LMO7: variants seen among roughly 807,000 people sequenced by gnomAD.
LMO7 encodes LIM domain 7.
Under a neutral mutation model 206.5 loss-of-function variants are expected in LMO7, and 120 were observed. The observed-to-expected ratio is 0.58, with a 90% CI of 0.50 to 0.68. The LOEUF is 0.68. Ranked by LOEUF, LMO7 falls within the 30% of genes least tolerant of loss-of-function variation. The pLI is 0.00. For synonymous variants in LMO7, 706 were observed against 681.5 expected, an observed-to-expected ratio of 1.04 and a Z score of -0.56; for missense variants, 1,959 against 1,957.9, an observed-to-expected ratio of 1.00 and a Z score of -0.01.
chr13:75,728,139 A>G (rs1298223241), intron 3 of LMO7, among the ~76,000 whole-genome samples: 2 of 152,180 alleles, frequency 1.3e-5, no homozygotes, highest in Non-Finnish European at 2.9e-5. Context: ...GTATATACCC[A>G]GTAATGGGAT....
chr13:75,707,717 T>TA (rs1265024661), intron 1 of LMO7, among the ~76,000 whole-genome samples: 5 of 152,204 alleles, frequency 3.3e-5, no homozygotes, highest in East Asian at 3.8e-4. Flanking sequence ...AGCTATTATT[T>TA]AAAACCTTTG....
At chr13:75,628,680 A>G (rs1253545328) in intron 2 of LMO7, 1 of 152,196 alleles carries the variant, frequency 6.6e-6, no homozygotes, top group African/African-American at 2.4e-5. Flanking sequence ...TTGAATCATA[A>G]CCAATCAAAG....
upstream of LMO7, among the ~76,000 whole-genome samples, chr13:75,632,657 C>T (rs2035094549): frequency 6.6e-6 from 1 of 152,208 alleles, no homozygotes; most frequent in Non-Finnish European, 1.5e-5. Context: ...ACATTCTGGG[C>T]TGCCGCCCCC....
At chr13:75,739,680 T>A (rs1215672336) in intron 3 of LMO7, among the ~76,000 whole-genome samples, 1 of 152,242 alleles carries the variant, frequency 6.6e-6, no homozygotes, top group Non-Finnish European at 1.5e-5. Flanking sequence ...TAGTGTGACC[T>A]GCTCTATGTG....
At chr13:75,672,318 C>A (rs554996276) in intron 1 of LMO7, among the ~76,000 whole-genome samples, 6 of 151,300 alleles carry the variant, frequency 4.0e-5, no homozygotes, top group Admixed American at 4.0e-4. Flanking sequence ...CTCCACTCAC[C>A]ACAACCTCTG....
chr13:75,739,647 C>T (rs1004518763), intron 3 of LMO7, among the ~76,000 whole-genome samples: 3 of 152,344 alleles, frequency 2.0e-5, no homozygotes, highest in African/African-American at 7.2e-5. Flanking sequence ...CTACACACTT[C>T]CCCTCACTCT....
intron 3 of LMO7, among the ~76,000 whole-genome samples, chr13:75,760,026 G>A (rs1022156879): frequency 2.0e-5 from 3 of 151,804 alleles, no homozygotes; most frequent in African/African-American, 4.8e-5. Flanking sequence ...ATTGTCACAA[G>A]TTCAACCCCA....
At chr13:75,730,346 T>G (rs1343745181) in intron 3 of LMO7, among the ~76,000 whole-genome samples, 1 of 152,216 alleles carries the variant, frequency 6.6e-6, no homozygotes, top group Non-Finnish European at 1.5e-5. Flanking sequence ...TTCTTCCTGG[T>G]TTAGTCTTGG....
intron 6 of LMO7, among the ~76,000 whole-genome samples, chr13:75,799,463 G>A (rs142508406): frequency 1.8e-4 from 28 of 152,188 alleles, no homozygotes; most frequent in African/African-American, 6.3e-4. Context: ...CAAATACTCA[G>A]TATGCATCTC....
At chr13:75,713,580 T>C (rs908391881) in intron 2 of LMO7, among the ~76,000 whole-genome samples, 2 of 152,230 alleles carry the variant, frequency 1.3e-5, no homozygotes, top group African/African-American at 4.8e-5. Context: ...TCTCTTAGTC[T>C]GAATATTCTA....
rs753183093 is a variant in LMO7, at chr13:75,807,836, T to G, written c.1553T>G (p.Ile518Ser). Residue 518 changes from isoleucine to serine, a missense_variant, in exon 10 of 31, where the codon ATT (isoleucine) becomes AGT (serine). Transcript: ENST00000377534. ...VLPDLEKDDM[I>S]VRRIPAQKKE... is the part of the protein sequence containing the mutation. Reference sequence around the variant, plus strand: ...CCGGATTTGGAAAAAGATGATATGATTGTTCGCCGAATTCCAGCACAGAAG... The same window carrying G: ...CCGGATTTGGAAAAAGATGATATGAGTGTTCGCCGAATTCCAGCACAGAAG... 13 of 1,613,912 alleles carry G rather than the reference T, an allele frequency of 8.1e-6. No individual in the cohort carries two copies. Among genetic ancestry groups the G allele is most frequent in the Non-Finnish European group, 8.5e-6 (10 of 1,179,872 alleles).
At chr13:75,695,295 T>C (rs1301145455) in intron 1 of LMO7, among the ~76,000 whole-genome samples, 1 of 152,236 alleles carries the variant, frequency 6.6e-6, no homozygotes, top group East Asian at 1.9e-4. Flanking sequence ...GTGATTTATA[T>C]ATGTTTGGCT....
chr13:75,754,574 G>T (rs180693096), intron 3 of LMO7, among the ~76,000 whole-genome samples: 482 of 152,206 alleles, frequency 3.2e-3, no homozygotes, highest in Non-Finnish European at 5.2e-3. Flanking sequence ...TGGGAATGTG[G>T]GATGAGGAGG....
chr13:75,751,407 C>T (rs985186927), intron 3 of LMO7, among the ~76,000 whole-genome samples: 7 of 151,870 alleles, frequency 4.6e-5, no homozygotes, highest in South Asian at 2.1e-4. Flanking sequence ...TGATCTGTCC[C>T]GCTCAGCCTC....
At position 75,774,415 on chromosome 13, in the gene LMO7, AGTTT is replaced by A. The variant is rs550930418; in HGVS notation, c.317+13382_317+13385del. On this transcript the variant is annotated intron_variant, in intron 4 of 30. Transcript: ENST00000377534. ...GTATTTCCAAATGTAGATTTGCCAC[AGTTT>A]GTTTATCTGTTCACCAGTTGATGGA... 1.2e-4 allele frequency among the ~76,000 whole-genome samples: 18 copies of A among 152,182 alleles called. No individual in the cohort carries two copies. The South Asian group carries it at 1.2e-3, about 11-fold the overall frequency.
intron 4 of LMO7, among the ~76,000 whole-genome samples, chr13:75,783,391 T>TAAA (rs1467278868): frequency 2.6e-5 from 4 of 152,178 alleles, no homozygotes; most frequent in Non-Finnish European, 5.9e-5. Flanking sequence ...GGTGCGATTT[T>TAAA]GGCTCACTGC....
At chr13:75,705,525 A>G (rs1040532106) in intron 1 of LMO7, among the ~76,000 whole-genome samples, 40 of 152,224 alleles carry the variant, frequency 2.6e-4, no homozygotes, top group African/African-American at 9.4e-4. Context: ...TTGACTACAT[A>G]GTCATCACTC....
At chr13:75,712,006 A>C (rs1275577922) in intron 1 of LMO7, among the ~76,000 whole-genome samples, 1 of 152,196 alleles carries the variant, frequency 6.6e-6, no homozygotes, top group East Asian at 1.9e-4. Context: ...TGTATAGACC[A>C]ACCTCTGAGA....
chr13:75,856,484 T>C, intron 29 of LMO7, 22 bp from the exon 30 acceptor site: 2 of 1,478,232 alleles, frequency 1.4e-6, no homozygotes, highest in Non-Finnish European at 1.9e-6. Context: ...ATTGTAGATG[T>C]TCTTTTTTTT....
Sources: allele counts gnomAD v4.1 joint callset (sites outside exome capture counted in the v4.1 genomes callset), GRCh38; gene constraint gnomAD v4.1.1; transcripts MANE v1.5; gene names NCBI Gene and HGNC (gene_info 2026-07-23, HGNC 2026-07-21).